The following CCM2 variants were observed in gnomAD, a reference collection of about 807,000 sequenced individuals.
CCM2 encodes cerebral cavernous malformations 2 protein.
CCM2 carries 25 observed loss-of-function variants against 44.9 expected under a neutral mutation model. The observed-to-expected ratio is 0.56, with a 90% CI of 0.41 to 0.78. CCM2 has a LOEUF of 0.78. CCM2 is among the 30% of genes least tolerant of loss of function. CCM2 has a pLI of 0.00. For synonymous variants in CCM2, 219 were observed against 241.1 expected (o/e 0.91, Z 0.85); for missense variants, 481 against 580.6 (o/e 0.83, Z 1.76).
At chr7:45,073,613 G>A (rs1189178551) in intron 8 of CCM2, 42 bp downstream of exon 8, 1 of 1,430,698 alleles carries the variant, frequency 7.0e-7, no homozygotes, top group South Asian at 1.2e-5. Flanking sequence ...ATGAGGGAGG[G>A]GGTGCCCCAG....
At chr7:45,043,785 C>T in intron 2 of CCM2, 2 of 376,262 alleles carry the variant, frequency 5.3e-6, no homozygotes, top group Non-Finnish European at 1.0e-5. Context: ...CTATTCTTTA[C>T]TCTTCCCAAT....
intron 1 of CCM2, among the ~76,000 whole-genome samples, chr7:45,030,486 GGTGCAGTGGT>G (rs1796911945): frequency 6.6e-6 from 1 of 152,050 alleles, no homozygotes; most frequent in Admixed American, 6.6e-5. Context: ...TCCTAGGCTG[GGTGCAGTGGT>G]GTGATCACAA....
chr7:45,003,083 C>CT (rs902560345), intron 1 of CCM2, among the ~76,000 whole-genome samples: 20 of 151,276 alleles, frequency 1.3e-4, no homozygotes, highest in African/African-American at 2.4e-4. Flanking sequence ...TATGTAATTC[C>CT]TTTTTTTTTG....
At chr7:45,032,900 G>C (rs1007919305) in intron 1 of CCM2, among the ~76,000 whole-genome samples, 3 of 151,992 alleles carry the variant, frequency 2.0e-5, no homozygotes, top group Non-Finnish European at 4.4e-5. Flanking sequence ...AATTAGCCAG[G>C]CATGGTGGTG....
intron 2 of CCM2, among the ~76,000 whole-genome samples, chr7:45,050,343 T>C (rs999188441): frequency 4.6e-5 from 7 of 152,254 alleles, no homozygotes; most frequent in Non-Finnish European, 1.0e-4. Context: ...TTTCTCAGAA[T>C]GTATCTCTGT....
intron 1 of CCM2, among the ~76,000 whole-genome samples, chr7:45,016,842 A>C (rs1172652329): frequency 6.6e-6 from 1 of 152,346 alleles, no homozygotes; most frequent in South Asian, 2.1e-4. Flanking sequence ...CATGTTGACC[A>C]GGCTGATCTC....
At chr7:45,038,612 C>A (rs922912489) in intron 2 of CCM2, among the ~76,000 whole-genome samples, 186 bp downstream of exon 2, 7 of 152,370 alleles carry the variant, frequency 4.6e-5, no homozygotes, top group Middle Eastern at 3.4e-3. Context: ...CAGATTCTGT[C>A]TGCTGACCCC....
At chr7:45,031,759 G>A (rs1298730657) in intron 1 of CCM2, among the ~76,000 whole-genome samples, 1 of 151,924 alleles carries the variant, frequency 6.6e-6, no homozygotes, top group African/African-American at 2.4e-5. Flanking sequence ...TTTTTTAAAA[G>A]ATGAGGTCTC....
intron 1 of CCM2, chr7:45,027,756 C>T (rs2128721954): frequency 6.2e-7 from 1 of 1,614,158 alleles, no homozygotes; most frequent in Admixed American, 1.7e-5. Context: ...CAAAGAAATT[C>T]CTCAAACAGA....
At chr7:45,009,560 A>G (rs1217152575) in intron 1 of CCM2, among the ~76,000 whole-genome samples, 4 of 151,868 alleles carry the variant, frequency 2.6e-5, no homozygotes, top group Non-Finnish European at 5.9e-5. Flanking sequence ...ATGTGCCATC[A>G]CGCCTGGCTA....
chr7:45,019,543 G>A (rs1032120759), intron 1 of CCM2, among the ~76,000 whole-genome samples: 1 of 152,082 alleles, frequency 6.6e-6, no homozygotes, highest in Non-Finnish European at 1.5e-5. Context: ...GCAGGACTTG[G>A]ACTCCAAACT....
At chr7:45,035,299 C>G (rs2128727046) in intron 1 of CCM2, among the ~76,000 whole-genome samples, 1 of 152,126 alleles carries the variant, frequency 6.6e-6, no homozygotes, top group Non-Finnish European at 1.5e-5. Context: ...TTTAAAAATT[C>G]AAATATTAAA....
chr7:45,054,727 T>C (rs1419005518), intron 2 of CCM2, among the ~76,000 whole-genome samples: 22 of 152,282 alleles, frequency 1.4e-4, no homozygotes. Flanking sequence ...GTCCCCTTGC[T>C]CTCTCACTGC....
intron 1 of CCM2, among the ~76,000 whole-genome samples, chr7:45,000,644 G>T (rs1448733674): frequency 2.0e-5 from 3 of 152,276 alleles, no homozygotes; most frequent in Non-Finnish European, 4.4e-5. Context: ...GGCTGCAGAG[G>T]AAGTGGGCCC....
At chr7:45,021,519 G>A (rs997703479) in intron 1 of CCM2, among the ~76,000 whole-genome samples, 10 of 151,406 alleles carry the variant, frequency 6.6e-5, no homozygotes, top group Non-Finnish European at 1.2e-4. Flanking sequence ...AGCTGAGATC[G>A]CGCCACTGCA....
At chr7:45,065,040 C>G (rs1798706130) in intron 4 of CCM2, among the ~76,000 whole-genome samples, 2 of 152,180 alleles carry the variant, frequency 1.3e-5, no homozygotes, top group South Asian at 4.1e-4. Context: ...GAGCTCTGCA[C>G]AGTGTCCTCA....
intron 1 of CCM2, among the ~76,000 whole-genome samples, chr7:45,005,254 G>T (rs1467175731): frequency 1.3e-5 from 2 of 152,190 alleles, no homozygotes; most frequent in African/African-American, 4.8e-5. Context: ...CATAAGGCTG[G>T]TTACTTTTCT....
At chr7:45,002,942 A>G (rs1027808711) in intron 1 of CCM2, among the ~76,000 whole-genome samples, 1 of 152,058 alleles carries the variant, frequency 6.6e-6, no homozygotes, top group Non-Finnish European at 1.5e-5. Context: ...AGTAGAAGTG[A>G]CCACTTGGGG....
chr7:45,048,217 TTG>T (rs1797848838), intron 2 of CCM2, among the ~76,000 whole-genome samples: 1 of 152,248 alleles, frequency 6.6e-6, no homozygotes, highest in African/African-American at 2.4e-5. Flanking sequence ...GAGATTGTTG[TTG>T]TTTTGTTTTA....
Sources: allele counts gnomAD v4.1 joint callset (sites outside exome capture counted in the v4.1 genomes callset), GRCh38; gene constraint gnomAD v4.1.1; transcripts MANE v1.5; gene names NCBI Gene and HGNC (gene_info 2026-07-23, HGNC 2026-07-21).